Variants in ATP11B observed in about 807,000 individuals in gnomAD.
The protein encoded by ATP11B is ATPase phospholipid transporting 11B (putative).
ATP11B carries 81 observed loss-of-function variants against 157.8 expected under a neutral mutation model. The observed-to-expected ratio is 0.51, with a 90% CI of 0.43 to 0.62. ATP11B has a LOEUF of 0.62. ATP11B is among the 20% of genes least tolerant of loss of function. The probability of loss-of-function intolerance (pLI) is 0.00; values close to 1 mark genes in which losing one functional copy is unlikely to be tolerated. For missense variants in ATP11B, 1,165 were observed against 1,402.2 expected (o/e 0.83, Z 2.70); for synonymous variants, 451 against 469.4 (o/e 0.96, Z 0.51).
At chr3:182,796,138 A>G (rs1715583441) in intron 1 of ATP11B, among the ~76,000 whole-genome samples, 1 of 152,230 alleles carries the variant, frequency 6.6e-6, no homozygotes, top group Non-Finnish European at 1.5e-5. Flanking sequence ...GAAAAATCAG[A>G]AAGTTGACAG....
rs762689455 is a variant in ATP11B at position 182,880,960 on chromosome 3, C to A, written c.2488C>A (p.Gln830Lys). Reference sequence around the variant, plus strand: ...TGGTGCTAATGACGTAAGCATGATACAAGAAGCCCATGTTGGCATAGGTGA... The same window carrying A: ...TGGTGCTAATGACGTAAGCATGATAAAAGAAGCCCATGTTGGCATAGGTGA... ...GDGANDVSMI[Q>K]EAHVGIGIMG... The change falls in exon 21 of 30, where the codon CAA (glutamine) becomes AAA (lysine). Residue 830 changes from glutamine to lysine, a missense_variant. Gln to Lys is a moderately conservative substitution (Grantham distance 53). Coordinates refer to ENST00000323116, the MANE Select transcript of ATP11B (RefSeq NM_014616.3). The A allele has an allele frequency of 6.3e-7, 1 of 1,590,984 alleles. No individual in the cohort carries two copies.
chr3:182,868,855 A>C (rs1459731900), intron 15 of ATP11B, among the ~76,000 whole-genome samples: 8 of 152,206 alleles, frequency 5.3e-5, no homozygotes, highest in Admixed American at 5.2e-4. Flanking sequence ...TAAATGACAT[A>C]AGGTGTGTAA....
At chr3:182,917,639 G>A in intron 29 of ATP11B, 1 of 985,330 alleles carries the variant, frequency 1.0e-6, no homozygotes. Context: ...AAAGCCTTTG[G>A]TAAGTGGGAT....
At chr3:182,858,150 T>A in intron 11 of ATP11B, 122 bp downstream of exon 11, 1 of 819,932 alleles carries the variant, frequency 1.2e-6, no homozygotes, top group Non-Finnish European at 1.8e-6. Context: ...TACTGAAGGG[T>A]GACAGAAATG....
chr3:182,799,412 G>A (rs1715838022), intron 1 of ATP11B, among the ~76,000 whole-genome samples: 1 of 151,994 alleles, frequency 6.6e-6, no homozygotes, highest in African/African-American at 2.4e-5. Context: ...GAGTAGCTGG[G>A]ACTACAGGCG....
At chr3:182,828,347 G>C in intron 3 of ATP11B, 138 bp downstream of exon 3, 2 of 440,688 alleles carry the variant, frequency 4.5e-6, no homozygotes, top group Non-Finnish European at 8.3e-6. Context: ...ATTGTATTCA[G>C]TGAATACAAT....
intron 2 of ATP11B, among the ~76,000 whole-genome samples, chr3:182,826,071 T>G (rs1031285952): frequency 3.9e-5 from 6 of 152,204 alleles, no homozygotes; most frequent in African/African-American, 1.4e-4. Flanking sequence ...CTTTAAAGCA[T>G]AATAAATTAT....
intron 2 of ATP11B, among the ~76,000 whole-genome samples, chr3:182,826,531 G>A (rs1717732724): frequency 6.6e-6 from 1 of 152,224 alleles, no homozygotes; most frequent in South Asian, 2.1e-4. Flanking sequence ...ACCATCTCAT[G>A]TGTATACATT....
chr3:182,798,705 T>C (rs1051205365), intron 1 of ATP11B, among the ~76,000 whole-genome samples: 4 of 152,254 alleles, frequency 2.6e-5, no homozygotes, highest in Admixed American at 6.5e-5. Context: ...TATCCACATA[T>C]GGCTGTCGAA....
intron 12 of ATP11B, 77 bp downstream of exon 12, chr3:182,859,436 A>G: frequency 7.6e-7 from 1 of 1,309,418 alleles, no homozygotes; most frequent in Non-Finnish European, 1.0e-6. Context: ...GATTAATGTA[A>G]CAAGGTATTA....
chr3:182,901,845 T>C (rs1319370147), intron 28 of ATP11B, among the ~76,000 whole-genome samples: 1 of 152,216 alleles, frequency 6.6e-6, no homozygotes, highest in Admixed American at 6.5e-5. Flanking sequence ...TTTAGTCTAT[T>C]TGATTAAAAA....
At position 182,867,414 on chromosome 3, in the gene ATP11B, T is replaced by C. The variant is rs767086681; in HGVS notation, c.1658T>C (p.Met553Thr). 6.2e-7 allele frequency: 1 copy of C among 1,611,410 alleles called. No individual in the cohort carries two copies. The highest frequency in any genetic ancestry group is 8.5e-7 in the Non-Finnish European group (1 of 1,177,766). Reference protein sequence around the residue: ...IVFIGNSEETMEVKTLGKLER... With the variant: ...IVFIGNSEETTEVKTLGKLER... ...TTTATTGGCAATTCTGAAGAAACTA[T>C]GGAGGTTAAAACTCTTGGAAAACTG... Residue 553 changes from methionine to threonine, a missense_variant, in exon 15 of 30, where the codon ATG (methionine) becomes ACG (threonine). Physicochemically the swap from Met to Thr is moderately conservative, Grantham distance 81. Around this residue, in one of 4 missense-constraint regions of ATP11B, gnomAD observed 737 missense variants for 930.5 expected, o/e 0.79. Transcript: ENST00000323116.
At chr3:182,874,084 T>TA in intron 19 of ATP11B, 69 bp downstream of exon 19, 1 of 1,367,936 alleles carries the variant, frequency 7.3e-7, no homozygotes, top group South Asian at 1.3e-5. Flanking sequence ...GGCCCGATGA[T>TA]ATAGCCCACT....
At chr3:182,804,385 A>G (rs889680221) in intron 1 of ATP11B, among the ~76,000 whole-genome samples, 1 of 151,804 alleles carries the variant, frequency 6.6e-6, no homozygotes, top group Non-Finnish European at 1.5e-5. Flanking sequence ...AGCTGGGACT[A>G]CAGGCACCCG....
chr3:182,807,323 G>A (rs2108487987), intron 1 of ATP11B, among the ~76,000 whole-genome samples: 1 of 152,180 alleles, frequency 6.6e-6, no homozygotes, highest in East Asian at 1.9e-4. Context: ...GGAGATGGTG[G>A]TGACAAGTTT....
At chr3:182,821,208 C>T (rs1476574142) in intron 2 of ATP11B, among the ~76,000 whole-genome samples, 1 of 152,076 alleles carries the variant, frequency 6.6e-6, no homozygotes, top group Non-Finnish European at 1.5e-5. Flanking sequence ...CTCTCGGGTT[C>T]AAGCCATTCT....
chr3:182,846,121 A>G (rs1339778767), intron 9 of ATP11B, among the ~76,000 whole-genome samples: 2 of 152,174 alleles, frequency 1.3e-5, no homozygotes, highest in East Asian at 3.8e-4. Context: ...GATAACCTTT[A>G]GCTGTTAGCT....
rs754528734 is a variant in ATP11B, at chr3:182,837,201, T to C, written c.656+27T>C. On this transcript the variant is annotated intron_variant, in intron 7 of 29. Coordinates refer to ENST00000323116, the MANE Select transcript of ATP11B (RefSeq NM_014616.3). Reference sequence around the variant, plus strand: ...TATGGTGTGATATTCAGTATACTTATTTTAAGTCCTATTTACAGACCTCAT... The same window carrying C: ...TATGGTGTGATATTCAGTATACTTACTTTAAGTCCTATTTACAGACCTCAT... 1.0e-5 allele frequency: 15 copies of C among 1,470,086 alleles called. No individual in the cohort carries two copies. In the Admixed American group the frequency reaches 1.1e-4, roughly 11 times the overall value. 91.1% of individuals were successfully genotyped at this position (1,470,086 alleles called of 1,614,324 possible).
intron 14 of ATP11B, 140 bp downstream of exon 14, chr3:182,866,583 A>C: frequency 1.5e-6 from 1 of 667,716 alleles, no homozygotes; most frequent in Non-Finnish European, 2.3e-6. Context: ...TAAAAATAGA[A>C]GTACAATTTA....
Sources: gnomAD v4.1 joint callset for allele counts (sites outside exome capture counted in the v4.1 genomes callset) on GRCh38, gnomAD v4.1.1 for gene constraint, gnomAD v4.1.1 regional missense constraint, MANE v1.5 for transcripts, NCBI Gene and HGNC (gene_info 2026-07-23, HGNC 2026-07-21) for gene names.